The following ALK variants were observed in gnomAD, a reference collection of about 807,000 sequenced individuals.
ALK encodes ALK tyrosine kinase receptor.
In ALK, 74 loss-of-function variants were observed where a neutral mutation model predicts 163.1. That is an observed-to-expected ratio of 0.45 (90% CI 0.38 to 0.55). The LOEUF is 0.55. Ranked by LOEUF, ALK falls within the 20% of genes least tolerant of loss-of-function variation. The probability of loss-of-function intolerance (pLI) is 0.00; values close to 1 mark genes in which losing one functional copy is unlikely to be tolerated. For missense variants in ALK, 2,063 were observed against 2,105.3 expected, an observed-to-expected ratio of 0.98 and a Z score of 0.39; for synonymous variants, 960 against 843.2, an observed-to-expected ratio of 1.14 and a Z score of -2.40.
intron 1 of ALK, among the ~76,000 whole-genome samples, chr2:29,724,331 C>T (rs188770201): frequency 2.2e-4 from 33 of 152,254 alleles, no homozygotes; most frequent in African/African-American, 7.5e-4. Flanking sequence ...ATAATGCATT[C>T]GTTTACAATG....
At chr2:29,564,506 C>T (rs981333635) in intron 3 of ALK, among the ~76,000 whole-genome samples, 9 of 150,246 alleles carry the variant, frequency 6.0e-5, no homozygotes, top group East Asian at 4.0e-4. Context: ...TGTGGCAAAA[C>T]GCCATCTCCT....
At chr2:29,766,190 C>G (rs1680857406) in intron 1 of ALK, among the ~76,000 whole-genome samples, 1 of 152,140 alleles carries the variant, frequency 6.6e-6, no homozygotes, top group African/African-American at 2.4e-5. Flanking sequence ...TAATTACAAA[C>G]AGATCTGTGT....
At chr2:29,220,340 T>TGTAA (rs958550840) in intron 23 of ALK, among the ~76,000 whole-genome samples, 79 of 152,324 alleles carry the variant, frequency 5.2e-4, no homozygotes, top group African/African-American at 1.8e-3. Flanking sequence ...CTGCAATGAT[T>TGTAA]GTAAGTTTCC....
intron 3 of ALK, among the ~76,000 whole-genome samples, chr2:29,666,022 C>T (rs1261929825): frequency 6.6e-6 from 1 of 152,026 alleles, no homozygotes; most frequent in Admixed American, 6.6e-5. Context: ...GCCACCATGC[C>T]GAAGTTCACG....
intron 1 of ALK, among the ~76,000 whole-genome samples, chr2:29,772,656 G>C (rs113590568): frequency 6.6e-6 from 1 of 152,234 alleles, no homozygotes; most frequent in Non-Finnish European, 1.5e-5. Flanking sequence ...AGCTGAAAGA[G>C]TTAAAGGGCG....
rs180893033 is a variant in ALK at position 29,503,498 on chromosome 2, C to A, written c.1154+28417G>T. ...AGAGGATACAGATATGAAAAAGCAT[C>A]ATTACAACCAAGTTTCCAAGAGAAA... On this transcript the variant is annotated intron_variant, in intron 4 of 28. Transcript: ENST00000389048. Among the ~76,000 whole-genome samples the A allele has an allele frequency of 1.5e-3, 229 of 152,312 alleles. 2 individuals are homozygous for A. The highest frequency in any genetic ancestry group is 5.2e-3 in the African/African-American group (218 of 41,568).
At position 29,227,438 on chromosome 2, in the gene ALK, G is replaced by A. The variant is rs1299586983; in HGVS notation, c.2914+136C>T. ...ACTTCTGGAAAATGTGGTGACCTGCGCCATAGGAAGCTTGCCTGCCAGGGA... is the reference window on the plus strand; with the variant it reads ...ACTTCTGGAAAATGTGGTGACCTGCACCATAGGAAGCTTGCCTGCCAGGGA... On this transcript the variant is annotated intron_variant, in intron 17 of 28. Transcript: ENST00000389048. This position sits in a 1 kb window ranked among gnomAD's most constrained non-coding sequence, Gnocchi z 4.4. The A allele has an allele frequency of 1.4e-5, 12 of 828,580 alleles. No individual in the cohort carries two copies. The highest frequency in any genetic ancestry group is 5.0e-5 in the African/African-American group (3 of 59,882). 51.3% of individuals were successfully genotyped at this position (828,580 alleles called of 1,614,324 possible). A position where few individuals can be genotyped will look rare whatever the true frequency, so the allele number is the denominator to read the frequency against.
At chr2:29,278,690 G>A (rs1017866362) in intron 9 of ALK, among the ~76,000 whole-genome samples, 3 of 152,216 alleles carry the variant, frequency 2.0e-5, no homozygotes, top group Non-Finnish European at 4.4e-5. Context: ...TTAGGAAAAT[G>A]CTGCTTCCAG....
At chr2:29,241,625 G>A (rs965216389) in intron 12 of ALK, among the ~76,000 whole-genome samples, 2 of 151,764 alleles carry the variant, frequency 1.3e-5, no homozygotes, top group Non-Finnish European at 1.5e-5. Flanking sequence ...TTGTGTGAAC[G>A]GAAGTGAAGA....
At chr2:29,217,635 AGGGTCTTT>A (rs1669677675) in intron 23 of ALK, among the ~76,000 whole-genome samples, 1 of 152,164 alleles carries the variant, frequency 6.6e-6, no homozygotes, top group Non-Finnish European at 1.5e-5. Context: ...CCCATCTCAA[AGGGTCTTT>A]GATCCTGATC....
chr2:29,820,586 A>C (rs1001172407), intron 1 of ALK, among the ~76,000 whole-genome samples: 3 of 152,234 alleles, frequency 2.0e-5, no homozygotes, highest in Non-Finnish European at 4.4e-5. Flanking sequence ...TACAAAACTG[A>C]AAGAGGATAG....
chr2:29,770,990 C>A (rs1373505054), intron 1 of ALK, among the ~76,000 whole-genome samples: 1 of 143,822 alleles, frequency 7.0e-6, no homozygotes, highest in Non-Finnish European at 1.5e-5. Flanking sequence ...CACAGAAACA[C>A]AGACACACAC....
chr2:29,765,644 T>A (rs113428786), intron 1 of ALK, among the ~76,000 whole-genome samples: 97 of 151,958 alleles, frequency 6.4e-4, no homozygotes, highest in South Asian at 2.1e-3. Flanking sequence ...CCTTTTTTTT[T>A]AAATTTAAAT....
At chr2:29,430,996 CTT>C (rs1232933187) in intron 4 of ALK, among the ~76,000 whole-genome samples, 4 of 137,136 alleles carry the variant, frequency 2.9e-5, no homozygotes, top group African/African-American at 5.3e-5. Context: ...CAAGGCGAGG[CTT>C]TTTTTTTTTT....
intron 13 of ALK, among the ~76,000 whole-genome samples, chr2:29,237,581 T>A (rs530948163): frequency 2.6e-5 from 4 of 152,188 alleles, no homozygotes; most frequent in Non-Finnish European, 5.9e-5. Context: ...AGAGCAAAGA[T>A]CTTTCTTTTG....
intron 5 of ALK, among the ~76,000 whole-genome samples, chr2:29,359,975 A>G (rs939114461): frequency 2.0e-5 from 3 of 152,172 alleles, no homozygotes; most frequent in African/African-American, 7.2e-5. Flanking sequence ...CACAGTCTGA[A>G]AGCTGTTCCT....
chr2:29,628,887 C>T (rs1049532853), intron 3 of ALK, among the ~76,000 whole-genome samples: 4 of 152,196 alleles, frequency 2.6e-5, no homozygotes, highest in African/African-American at 9.7e-5. Context: ...AGACTCAGTG[C>T]TCTCGCCACA....
chr2:29,427,129 T>C (rs890814152), intron 4 of ALK, among the ~76,000 whole-genome samples: 46 of 117,020 alleles, frequency 3.9e-4, no homozygotes, highest in African/African-American at 1.4e-3. Flanking sequence ...AAATGTATTA[T>C]ATATTTGATA....
chr2:29,447,395 G>C (rs1373571540), intron 4 of ALK, among the ~76,000 whole-genome samples: 5 of 152,176 alleles, frequency 3.3e-5, no homozygotes, highest in Admixed American at 3.3e-4. Flanking sequence ...CAGGCCTACT[G>C]GCATGTGGTG....
Sources: gnomAD v4.1 joint callset for allele counts (sites outside exome capture counted in the v4.1 genomes callset) on GRCh38, gnomAD v4.1.1 for gene constraint, Gnocchi (gnomAD v3.1) non-coding constraint, MANE v1.5 for transcripts, NCBI Gene and HGNC (gene_info 2026-07-23, HGNC 2026-07-21) for gene names.